Variants in ASTN2 observed in about 807,000 individuals in gnomAD.
ASTN2 encodes the protein astrotactin 2.
ASTN2 carries 54 observed loss-of-function variants against 139.8 expected under a neutral mutation model. That is an observed-to-expected ratio of 0.39 (90% CI 0.31 to 0.48). ASTN2 has a LOEUF of 0.48. Ranked by LOEUF, ASTN2 falls within the 20% of genes least tolerant of loss-of-function variation. The pLI is 0.95. For synonymous variants in ASTN2, 756 were observed against 719.5 expected, an observed-to-expected ratio of 1.05 and a Z score of -0.81; for missense variants, 1,565 against 1,725.1, an observed-to-expected ratio of 0.91 and a Z score of 1.64.
intron 11 of ASTN2, among the ~76,000 whole-genome samples, chr9:116,844,808 T>C (rs1832379120): frequency 1.3e-5 from 2 of 152,296 alleles, no homozygotes; most frequent in Non-Finnish European, 1.5e-5. Context: ...AACAGGCCAT[T>C]ATCCCCACAT....
intron 13 of ASTN2, among the ~76,000 whole-genome samples, chr9:116,804,134 T>C (rs1358373286): frequency 6.6e-6 from 1 of 152,126 alleles, no homozygotes; most frequent in Admixed American, 6.6e-5. Flanking sequence ...TCAAAGAGTA[T>C]ATGATGATTA....
At chr9:116,550,618 A>G (rs1174407055) in intron 19 of ASTN2, among the ~76,000 whole-genome samples, 1 of 152,154 alleles carries the variant, frequency 6.6e-6, no homozygotes, top group African/African-American at 2.4e-5. Context: ...CAGTGCTGCA[A>G]TATAAGGATG....
At chr9:117,141,298 C>G (rs981309998) in intron 4 of ASTN2, 28 bp downstream of exon 4, 2 of 1,364,502 alleles carry the variant, frequency 1.5e-6, no homozygotes, top group African/African-American at 2.9e-5. Context: ...CTTCTGACTT[C>G]CTGGCCAGAT....
intron 16 of ASTN2, among the ~76,000 whole-genome samples, chr9:116,670,544 A>G (rs1859134333): frequency 6.6e-6 from 1 of 152,218 alleles, no homozygotes. Context: ...TGAAAATAAT[A>G]TGTTGGGTAG....
At chr9:117,339,849 CAA>C (rs1430650966) in intron 1 of ASTN2, among the ~76,000 whole-genome samples, 1 of 140,304 alleles carries the variant, frequency 7.1e-6, no homozygotes, top group Non-Finnish European at 1.5e-5. Flanking sequence ...ACATGCTAAT[CAA>C]ATATTTATGG....
chr9:116,800,321 T>A (rs1830811922), intron 13 of ASTN2, among the ~76,000 whole-genome samples: 1 of 152,210 alleles, frequency 6.6e-6, no homozygotes, highest in Non-Finnish European at 1.5e-5. Context: ...TCTTTCTCCC[T>A]GCCTCTGCTC....
intron 16 of ASTN2, among the ~76,000 whole-genome samples, chr9:116,679,223 T>C (rs1859685716): frequency 6.6e-6 from 1 of 152,176 alleles, no homozygotes; most frequent in Admixed American, 6.6e-5. Flanking sequence ...TATTTTATAA[T>C]ATCCAGTGTT....
At chr9:116,710,677 G>T (rs1828127526) in intron 16 of ASTN2, among the ~76,000 whole-genome samples, 1 of 146,948 alleles carries the variant, frequency 6.8e-6, no homozygotes, top group South Asian at 2.2e-4. Context: ...AGGTTGCGGT[G>T]AGCTGAGATC....
At chr9:117,174,237 A>T (rs751910571) in intron 3 of ASTN2, among the ~76,000 whole-genome samples, 2 of 152,038 alleles carry the variant, frequency 1.3e-5, no homozygotes, top group African/African-American at 4.8e-5. Flanking sequence ...ACACATGCAT[A>T]TATAATACTA....
intron 5 of ASTN2, among the ~76,000 whole-genome samples, chr9:117,071,668 G>A (rs1282017449): frequency 6.7e-6 from 1 of 148,924 alleles, no homozygotes; most frequent in Admixed American, 6.7e-5. Context: ...GCGAGATTCC[G>A]TGGGCGTAGG....
chr9:116,578,461 T>G (rs1853812678), intron 19 of ASTN2, among the ~76,000 whole-genome samples: 1 of 152,168 alleles, frequency 6.6e-6, no homozygotes, highest in African/African-American at 2.4e-5. Context: ...AAGAACATTT[T>G]TAATTCTTAT....
intron 12 of ASTN2, among the ~76,000 whole-genome samples, chr9:116,819,300 G>A (rs942932347): frequency 2.6e-5 from 4 of 152,182 alleles, no homozygotes; most frequent in Admixed American, 6.5e-5. Flanking sequence ...CTAAAGCCAT[G>A]CATAATTTAC....
At chr9:117,110,212 G>A (rs900446998) in intron 4 of ASTN2, among the ~76,000 whole-genome samples, 3 of 152,068 alleles carry the variant, frequency 2.0e-5, no homozygotes, top group Admixed American at 6.6e-5. Context: ...TGCAAGCAGT[G>A]CAAATTTATA....
At chr9:117,160,010 G>T (rs1830512155) in intron 3 of ASTN2, among the ~76,000 whole-genome samples, 1 of 151,930 alleles carries the variant, frequency 6.6e-6, no homozygotes. Context: ...TTCCCACAAA[G>T]ATATGAAAGT....
At chr9:116,667,741 T>C (rs1370973597) in intron 16 of ASTN2, among the ~76,000 whole-genome samples, 1 of 152,218 alleles carries the variant, frequency 6.6e-6, no homozygotes, top group Non-Finnish European at 1.5e-5. Context: ...TATTGTTTTT[T>C]AAAGACTATT....
intron 16 of ASTN2, among the ~76,000 whole-genome samples, chr9:116,673,450 T>A (rs1381223357): frequency 6.6e-6 from 1 of 152,224 alleles, no homozygotes; most frequent in African/African-American, 2.4e-5. Context: ...ATCAGTGGAA[T>A]TGTGTCCTCC....
chr9:117,185,299 T>A (rs1449181356), intron 3 of ASTN2, among the ~76,000 whole-genome samples: 2 of 152,214 alleles, frequency 1.3e-5, no homozygotes, highest in African/African-American at 4.8e-5. Context: ...ACTTCCTGAT[T>A]TATTTCTTTG....
chr9:116,758,453 T>G (rs1829589667), intron 13 of ASTN2, among the ~76,000 whole-genome samples: 1 of 152,016 alleles, frequency 6.6e-6, no homozygotes. Flanking sequence ...CCCCTTTCCC[T>G]CTTTGGAGGA....
chr9:116,647,180 C>G (rs567745277), intron 17 of ASTN2, among the ~76,000 whole-genome samples: 8 of 152,274 alleles, frequency 5.3e-5, no homozygotes, highest in South Asian at 2.1e-4. Context: ...CAGCCTAGTA[C>G]TCTATACAGT....
Sources: allele counts gnomAD v4.1 joint callset (sites outside exome capture counted in the v4.1 genomes callset), GRCh38; gene constraint gnomAD v4.1.1; transcripts MANE v1.5; gene names NCBI Gene and HGNC (gene_info 2026-07-23, HGNC 2026-07-21).